The following AOPEP variants were observed in gnomAD, a reference collection of about 807,000 sequenced individuals.
The protein encoded by AOPEP is aminopeptidase O.
AOPEP carries 77 observed loss-of-function variants against 98.1 expected under a neutral mutation model. That is an observed-to-expected ratio of 0.78 (90% CI 0.65 to 0.95). AOPEP has a LOEUF of 0.95. Among genes scored for constraint, AOPEP ranks in the 40% least tolerant of loss-of-function variants. The pLI, the probability that AOPEP is intolerant of heterozygous loss-of-function variation, is 0.00. For synonymous variants in AOPEP, 346 were observed against 365.3 expected (o/e 0.95, Z 0.60); for missense variants, 1,024 against 1,024.7 (o/e 1.00, Z 0.01).
intron 5 of AOPEP, among the ~76,000 whole-genome samples, chr9:94,846,314 TGGAAGTTATGA>T (rs2042861963): frequency 6.6e-6 from 1 of 151,620 alleles, no homozygotes; most frequent in Non-Finnish European, 1.5e-5. Flanking sequence ...TGCTGAGAAG[TGGAAGTTATGA>T]GGACTGAGGG....
At chr9:95,144,198 T>G in the AOPEP span, among the ~76,000 whole-genome samples, 1 of 152,234 alleles carries the variant, frequency 6.6e-6, no homozygotes, top group Non-Finnish European at 1.5e-5. Flanking sequence ...TGTGTCAACA[T>G]GTGGCTGGGA....
At chr9:94,917,995 G>A (rs1442113968) in intron 5 of AOPEP, among the ~76,000 whole-genome samples, 2 of 151,738 alleles carry the variant, frequency 1.3e-5, no homozygotes, top group African/African-American at 4.8e-5. Flanking sequence ...ATTCTCTACG[G>A]CCCTAATTTT....
intron 5 of AOPEP, among the ~76,000 whole-genome samples, chr9:94,885,517 C>T (rs1253262185): frequency 3.9e-5 from 6 of 151,986 alleles, no homozygotes; most frequent in Non-Finnish European, 8.8e-5. Flanking sequence ...TTTTATCAGC[C>T]AGGCCTGGTG....
intron 4 of AOPEP, among the ~76,000 whole-genome samples, chr9:94,797,293 G>A (rs1243748776): frequency 6.6e-6 from 1 of 152,112 alleles, no homozygotes; most frequent in East Asian, 1.9e-4. Context: ...TTAGTTGGGT[G>A]TGGTGACGTG....
intron 11 of AOPEP, among the ~76,000 whole-genome samples, chr9:94,986,142 G>A (rs74213443): frequency 0.037 from 5,689 of 152,174 alleles, 233 homozygotes; most frequent in East Asian, 0.12. Flanking sequence ...TGCCAACAGC[G>A]TTGGTTTCTG....
chr9:95,116,235 T>C, the AOPEP span, among the ~76,000 whole-genome samples: 1 of 152,280 alleles, frequency 6.6e-6, no homozygotes, highest in Non-Finnish European at 1.5e-5. Context: ...TAGGCTTTGC[T>C]GATCTGACCT....
intron 13 of AOPEP, among the ~76,000 whole-genome samples, chr9:95,036,508 T>C (rs1405576561): frequency 6.6e-6 from 1 of 152,068 alleles, no homozygotes; most frequent in Non-Finnish European, 1.5e-5. Context: ...TTTTTAAAAG[T>C]TTCCTTACTT....
intron 14 of AOPEP, among the ~76,000 whole-genome samples, chr9:95,078,611 C>T (rs2069348322): frequency 6.6e-6 from 1 of 152,252 alleles, no homozygotes; most frequent in Non-Finnish European, 1.5e-5. Context: ...CTCAGAGCAG[C>T]AGCTCCTGTC....
intron 13 of AOPEP, among the ~76,000 whole-genome samples, chr9:95,009,727 C>T (rs1046984273): frequency 6.6e-6 from 1 of 152,186 alleles, no homozygotes; most frequent in Admixed American, 6.5e-5. Flanking sequence ...ATGTTACCTT[C>T]ATAATTCTTT....
intron 7 of AOPEP, 140 bp from the exon 8 acceptor site, chr9:94,955,037 T>C: frequency 1.9e-6 from 1 of 527,812 alleles, no homozygotes; most frequent in South Asian, 3.0e-5. Context: ...TAATACAAAC[T>C]GTTCTAAATT....
At chr9:94,837,311 G>A (rs1464088312) in intron 5 of AOPEP, among the ~76,000 whole-genome samples, 5 of 152,074 alleles carry the variant, frequency 3.3e-5, no homozygotes, top group South Asian at 4.1e-4. Context: ...ATTCACAGCC[G>A]AACTCTATCA....
In AOPEP at chr9:94,923,858, C is replaced by CT. The variant is rs1337593453; in HGVS notation, c.1365-127dup. On this transcript the variant is annotated intron_variant, in intron 5 of 16. Coordinates refer to ENST00000375315, the MANE Select transcript of AOPEP (RefSeq NM_001193329.3). ...GTCTGAAAGCATCTAAGCCGCAAGC[C>CT]TATCTGTCATGATCTAGCATGCACA... 3 of 514,790 alleles carry CT rather than the reference C, an allele frequency of 5.8e-6. No individual in the cohort carries two copies. In the African/African-American group the frequency reaches 5.9e-5, roughly 10 times the overall value. 31.9% of individuals were successfully genotyped at this position (514,790 alleles called of 1,614,324 possible).
chr9:94,956,088 C>T (rs2058435576), intron 9 of AOPEP, 73 bp downstream of exon 9: 1 of 881,914 alleles, frequency 1.1e-6, no homozygotes, highest in Non-Finnish European at 1.8e-6. Context: ...TAGATTATGC[C>T]AGTATTAAAG....
In AOPEP at chr9:95,005,599, G is replaced by A; in HGVS notation, c.2098G>A (p.Glu700Lys). 6.2e-7 allele frequency: 1 copy of A among 1,614,040 alleles called. No individual in the cohort carries two copies. Among genetic ancestry groups the A allele is most frequent in the Non-Finnish European group, 8.5e-7 (1 of 1,179,914 alleles). The change falls in exon 13 of 17, where the codon GAA (glutamate) becomes AAA (lysine). Residue 700 changes from glutamate (E) to lysine (K), a missense_variant. Physicochemically the swap from Glu to Lys is moderately conservative, Grantham distance 56. Coordinates refer to ENST00000375315, the MANE Select transcript of AOPEP (RefSeq NM_001193329.3). ...CCGAAAACGGAAGCGCAGGGAGAAG[G>A]AAGAGGTGTTTGAAAAGGTAGGGGT... is the stretch of plus-strand genomic sequence containing the variant. ...RPRKRKRREKEEVFEKLLPDQ... is the reference protein window; with the variant it reads ...RPRKRKRREKKEVFEKLLPDQ...
chr9:94,805,143 C>T (rs1848971080), intron 5 of AOPEP, among the ~76,000 whole-genome samples: 1 of 152,040 alleles, frequency 6.6e-6, no homozygotes, highest in South Asian at 2.1e-4. Context: ...TCATTCTAGG[C>T]AGACGGGTTA....
intron 13 of AOPEP, among the ~76,000 whole-genome samples, chr9:95,058,493 C>G (rs537136497): frequency 1.3e-5 from 2 of 152,282 alleles, no homozygotes; most frequent in Admixed American, 1.3e-4. Flanking sequence ...TGCCGAGAAT[C>G]ACTTCTCTGT....
chr9:95,085,082 C>T, intron 16 of AOPEP: 1 of 366,276 alleles, frequency 2.7e-6, no homozygotes, highest in South Asian at 2.1e-5. Flanking sequence ...CTCTAGGATG[C>T]CAACTAAACG....
intron 5 of AOPEP, among the ~76,000 whole-genome samples, chr9:94,875,624 T>A (rs890670615): frequency 2.0e-5 from 3 of 152,220 alleles, no homozygotes; most frequent in Non-Finnish European, 4.4e-5. Flanking sequence ...AGAAGCACAC[T>A]CCTCAGTTAC....
chr9:94,900,382 C>G (rs1400673136), intron 5 of AOPEP: 1 of 152,298 alleles, frequency 6.6e-6, no homozygotes, highest in Non-Finnish European at 1.5e-5. Context: ...AAAACACCAT[C>G]CTTCCCAGGT....
Sources: allele counts gnomAD v4.1 joint callset (sites outside exome capture counted in the v4.1 genomes callset), GRCh38; gene constraint gnomAD v4.1.1; transcripts MANE v1.5; gene names NCBI Gene and HGNC (gene_info 2026-07-23, HGNC 2026-07-21).